The following COIL variants were observed in gnomAD, a reference collection of about 807,000 sequenced individuals.
COIL encodes coilin.
COIL carries 28 observed loss-of-function variants against 51.6 expected under a neutral mutation model. That is an observed-to-expected ratio of 0.54 (90% CI 0.40 to 0.74). COIL has a LOEUF of 0.74. Among genes scored for constraint, COIL ranks in the 30% least tolerant of loss-of-function variants. The pLI is 0.00. For missense variants in COIL, 667 were observed against 685.9 expected (o/e 0.97, Z 0.31); for synonymous variants, 233 against 255.8 (o/e 0.91, Z 0.85).
rs201434550 is a variant in COIL at position 56,950,682 on chromosome 17, T to A, written c.560A>T (p.Lys187Ile). 3 of 1,610,118 alleles carry A rather than the reference T, an allele frequency of 1.9e-6. No individual in the cohort carries two copies. Among genetic ancestry groups the A allele is most frequent in the Non-Finnish European group, 2.5e-6 (3 of 1,179,148 alleles). The change falls in exon 2 of 7, where the codon AAA becomes ATA. Residue 187 changes from lysine (K) to isoleucine (I), a missense_variant. Physicochemically the swap from Lys to Ile is moderately radical, Grantham distance 102 (BLOSUM62 -3). Coordinates refer to ENST00000240316, the MANE Select transcript of COIL (RefSeq NM_004645.3). The stretch of plus-strand genomic sequence containing the variant: ...TTTTTTATATTCACATTTCTCCTTT[T>A]TCTTTGGTGATTTTCTTTTGGCCTC... Reference protein sequence around the residue: ...NEEAKRKSPKKKEKCEYKKKA... With the variant: ...NEEAKRKSPKIKEKCEYKKKA...
chr17:56,957,875 G>C (rs984009027), intron 1 of COIL, among the ~76,000 whole-genome samples: 1 of 152,158 alleles, frequency 6.6e-6, no homozygotes, highest in African/African-American at 2.4e-5. Flanking sequence ...CAGAAACCTG[G>C]GGGCAGATGA....
intron 1 of COIL, among the ~76,000 whole-genome samples, chr17:56,960,102 T>A (rs1347233209): frequency 2.0e-5 from 3 of 152,032 alleles, no homozygotes; most frequent in African/African-American, 7.2e-5. Flanking sequence ...CGCCCGCCTG[T>A]AAGCCCAGCT....
intron 5 of COIL, 138 bp from the exon 6 acceptor site, chr17:56,942,261 G>T: frequency 1.4e-6 from 1 of 711,030 alleles, no homozygotes; most frequent in Non-Finnish European, 2.4e-6. Flanking sequence ...GTATGTACAG[G>T]AAAGCACAGG....
chr17:56,953,255 C>CA (rs1264418943), intron 1 of COIL, among the ~76,000 whole-genome samples: 6 of 151,572 alleles, frequency 4.0e-5, no homozygotes, highest in Admixed American at 1.3e-4. Flanking sequence ...ACTAAAAATA[C>CA]AAAAAATTAG....
chr17:56,939,223 G>C, intron 6 of COIL, 69 bp from the exon 7 acceptor site: 1 of 856,762 alleles, frequency 1.2e-6, no homozygotes, highest in Non-Finnish European at 2.0e-6. Context: ...ATTCAGCCAC[G>C]TAAATTTTCC....
chr17:56,956,673 C>A (rs1442937293), intron 1 of COIL, among the ~76,000 whole-genome samples: 1 of 152,012 alleles, frequency 6.6e-6, no homozygotes, highest in Non-Finnish European at 1.5e-5. Flanking sequence ...CTCACCGAAG[C>A]CTTTACTTCC....
At chr17:56,959,902 C>G (rs192441824) in intron 1 of COIL, among the ~76,000 whole-genome samples, 64 of 152,330 alleles carry the variant, frequency 4.2e-4, no homozygotes, top group Admixed American at 1.8e-3. Context: ...CAGAAGCATC[C>G]CGGGAAGGAT....
Position 56,958,154 on chromosome 17 carries a change from C to A in COIL, c.245+2621G>T, listed in dbSNP as rs561482870. 3.3e-5 allele frequency among the ~76,000 whole-genome samples: 5 copies of A among 152,356 alleles called. No individual in the cohort carries two copies. In the South Asian group the frequency reaches 1.0e-3, roughly 32 times the overall value. On this transcript the variant is annotated intron_variant, in intron 1 of 6. Transcript: ENST00000240316. ...TTCCCACCCATTCTTCAAGGTACTG[C>A]TCAATTCCCTAACCATTTTGTTCCA... is the stretch of plus-strand genomic sequence containing the variant.
intron 4 of COIL, among the ~76,000 whole-genome samples, chr17:56,948,012 C>T (rs1376712730): frequency 6.6e-6 from 1 of 152,078 alleles, no homozygotes; most frequent in Non-Finnish European, 1.5e-5. Flanking sequence ...ATTACATGAT[C>T]ACCTCATCCA....
At position 56,950,200 on chromosome 17, in the gene COIL, C is replaced by T; in HGVS notation, c.1042G>A (p.Ala348Thr). Residue 348 changes from alanine to threonine, a missense_variant, in exon 2 of 7, where the codon GCA (alanine) becomes ACA (threonine). Transcript: ENST00000240316. ...CCTGGGCCTGGACGACCTCTTCCTG[C>T]AAAAAGGCCTACTGTCTTTAAGAAA... Reference protein sequence around the residue: ...AGFLKTVGLFAGRGRPGPGLS... With the variant: ...AGFLKTVGLFTGRGRPGPGLS... 1 of 1,614,138 alleles carries T rather than the reference C, an allele frequency of 6.2e-7. No homozygotes were observed. Among genetic ancestry groups the T allele is most frequent in the Non-Finnish European group, 8.5e-7 (1 of 1,180,020 alleles).
chr17:56,960,676 C>A, intron 1 of COIL, 99 bp downstream of exon 1: 11 of 302,450 alleles, frequency 3.6e-5, no homozygotes, highest in East Asian at 1.0e-4. Flanking sequence ...CATCCCCCAT[C>A]CCCTCCACTA....
Position 56,961,012 on chromosome 17 carries a change from G to A in COIL, c.8C>T (p.Ala3Val), listed in dbSNP as rs748301100. MA[A>V]SETVRLRLQF... ...AAGCCGTAGCCTAACCGTCTCGGAA[G>A]CTGCCATCTTGCTTGGTGCTCAACG... Residue 3 changes from alanine to valine, a missense_variant, in exon 1 of 7, where the codon GCT (alanine) becomes GTT (valine). Physicochemically the swap from Ala to Val is moderately conservative, Grantham distance 64. Transcript: ENST00000240316. The A allele has an allele frequency of 2.0e-5, 32 of 1,613,588 alleles. No homozygotes were observed. The highest frequency in any genetic ancestry group is 2.7e-5 in the Non-Finnish European group (32 of 1,179,882).
intron 5 of COIL, 36 bp from the exon 6 acceptor site, chr17:56,942,159 C>A: frequency 6.6e-7 from 1 of 1,512,292 alleles, no homozygotes; most frequent in South Asian, 1.1e-5. Flanking sequence ...GAGAGTAAGT[C>A]ATTTTTCAAT....
chr17:56,945,171 C>T (rs1056029572), intron 5 of COIL, among the ~76,000 whole-genome samples: 2 of 152,114 alleles, frequency 1.3e-5, no homozygotes, highest in Non-Finnish European at 2.9e-5. Context: ...AAATCCATCT[C>T]TACTAAAAAT....
chr17:56,942,906 AATT>A (rs1244853878), intron 5 of COIL, among the ~76,000 whole-genome samples: 3 of 152,226 alleles, frequency 2.0e-5, no homozygotes, highest in Non-Finnish European at 2.9e-5. Flanking sequence ...CAATAGGAAA[AATT>A]ATTATCGTCT....
In COIL at chr17:56,939,080, T is replaced by G. The variant is rs750453992; in HGVS notation, c.1722A>C (p.Glu574Asp). ...IESPSNTSST[E>D]PA ...GGTGGAGAGGTCATACTCAGGCAGG[T>G]TCTGTACTTGATGTGTTACTTGGAG... The change falls in exon 7 of 7, where the codon GAA (glutamate) becomes GAC (aspartate). Residue 574 changes from glutamate (E) to aspartate (D), a missense_variant. Physicochemically the swap from Glu to Asp is conservative, Grantham distance 45 (BLOSUM62 2). Coordinates refer to ENST00000240316, the MANE Select transcript of COIL (RefSeq NM_004645.3). The G allele has an allele frequency of 1.3e-6, 2 of 1,571,480 alleles. No homozygotes were observed. The highest frequency in any genetic ancestry group is 1.1e-5 in the South Asian group (1 of 90,082).
intron 5 of COIL, among the ~76,000 whole-genome samples, chr17:56,942,489 T>A (rs1910167385): frequency 1.3e-5 from 2 of 152,154 alleles, no homozygotes; most frequent in African/African-American, 4.8e-5. Context: ...AAATCACATA[T>A]GCTTCCTACT....
In COIL at chr17:56,938,625, T is replaced by C. The variant is rs1296288366; in HGVS notation, c.*446A>G. ...TATAAAATACTTGAAATTTACAAGA[T>C]GCTCCATTTAATGGAACAACTCAAA... is the stretch of plus-strand genomic sequence containing the variant. On this transcript the variant is annotated 3_prime_UTR_variant, in exon 7 of 7. Transcript: ENST00000240316. 1 of 152,424 alleles carries C rather than the reference T, an allele frequency of 6.6e-6. No individual in the cohort carries two copies. The highest frequency in any genetic ancestry group is 6.5e-5 in the Admixed American group (1 of 15,290). 9.4% of individuals were successfully genotyped at this position (152,424 alleles called of 1,614,324 possible).
chr17:56,951,721 AGCAAG>A (rs1008925197), intron 1 of COIL: 2 of 152,992 alleles, frequency 1.3e-5, no homozygotes, highest in African/African-American at 4.8e-5. Flanking sequence ...AAAGCTGAAA[AGCAAG>A]GTAAATGCCA....
Sources: gnomAD v4.1 joint callset for allele counts (sites outside exome capture counted in the v4.1 genomes callset) on GRCh38, gnomAD v4.1.1 for gene constraint, MANE v1.5 for transcripts, NCBI Gene and HGNC (gene_info 2026-07-23, HGNC 2026-07-21) for gene names.